The following ACLY variants were observed in gnomAD, a reference collection of about 807,000 sequenced individuals.
ACLY encodes the protein ATP-citrate synthase.
In ACLY, 41 loss-of-function variants were observed where a neutral mutation model predicts 133.0. The ratio of observed to expected loss-of-function variants is 0.31; its 90% CI spans 0.24 to 0.40. The LOEUF (loss-of-function observed/expected upper bound fraction) is 0.40. ACLY is among the 10% of genes least tolerant of loss of function. The pLI, the probability that ACLY is intolerant of heterozygous loss-of-function variation, is 1.00. For synonymous variants in ACLY, 495 were observed against 549.3 expected (o/e 0.90, Z 1.38); for missense variants, 1,046 against 1,453.8 (o/e 0.72, Z 4.56).
upstream of ACLY, chr17:41,919,062 G>A: frequency 1.6e-6 from 2 of 1,254,630 alleles, no homozygotes; most frequent in Non-Finnish European, 2.1e-6. Context: ...GCGTTCCCTA[G>A]CCTGAGCGCC....
chr17:41,918,831 T>G lies in ACLY; in HGVS notation c.-24+49A>C, dbSNP rs1555634927. 3.9e-6 allele frequency: 5 copies of G among 1,282,928 alleles called. No homozygotes were observed. The Admixed American group carries it at 7.0e-5, about 18-fold the overall frequency. 79.5% of individuals were successfully genotyped at this position (1,282,928 alleles called of 1,614,324 possible). ...GGGTTGGGGGACGGAGGCAGGAAGC[T>G]CCTAGGGCGAGCGGGCTCCAGCCAG... On this transcript the variant is annotated intron_variant, in intron 1 of 28. Coordinates refer to ENST00000352035, the MANE Select transcript of ACLY (RefSeq NM_001096.3).
chr17:41,908,037 G>A (rs1408415288), intron 6 of ACLY, among the ~76,000 whole-genome samples: 1 of 152,112 alleles, frequency 6.6e-6, no homozygotes, highest in Admixed American at 6.5e-5. Context: ...AGGGTGCACT[G>A]GACTCCCAAT....
chr17:41,918,187 C>T (rs1382301720), intron 1 of ACLY, among the ~76,000 whole-genome samples: 1 of 152,308 alleles, frequency 6.6e-6, no homozygotes, highest in African/African-American at 2.4e-5. Flanking sequence ...GGCGTCAGCT[C>T]AAGGGTGGGG....
At chr17:41,922,767 C>A (rs1408206535), upstream of ACLY, among the ~76,000 whole-genome samples, 1 of 152,162 alleles carries the variant, frequency 6.6e-6, no homozygotes, top group African/African-American at 2.4e-5. Context: ...TTAGGTGTTG[C>A]TAGGCCTAAG....
intron 1 of ACLY, among the ~76,000 whole-genome samples, chr17:41,928,922 CAGG>C (rs2050276595): frequency 6.6e-6 from 1 of 150,600 alleles, no homozygotes; most frequent in South Asian, 2.1e-4. Context: ...CTCTTCCTTG[CAGG>C]AGGTTTTTTT....
At chr17:41,874,383 C>T (rs947756764) in intron 22 of ACLY, among the ~76,000 whole-genome samples, 61 of 151,956 alleles carry the variant, frequency 4.0e-4, no homozygotes, top group Non-Finnish European at 5.7e-4. Flanking sequence ...GCGATCTGCC[C>T]AGCTATGCCT....
chr17:41,904,079 T>C (rs2049620522), intron 10 of ACLY, among the ~76,000 whole-genome samples: 1 of 149,358 alleles, frequency 6.7e-6, no homozygotes, highest in Non-Finnish European at 1.5e-5. Context: ...ATCGTGCCAT[T>C]GCACTCCAGC....
chr17:41,909,907 C>A (rs1286429870), intron 4 of ACLY, among the ~76,000 whole-genome samples: 1 of 152,210 alleles, frequency 6.6e-6, no homozygotes, highest in African/African-American at 2.4e-5. Context: ...GCCTCTACCC[C>A]ACTGGCTGGT....
chr17:41,873,706 A>G, intron 23 of ACLY, 105 bp downstream of exon 23: 1 of 1,304,008 alleles, frequency 7.7e-7, no homozygotes, highest in Non-Finnish European at 1.0e-6. Context: ...CCAAAGATTG[A>G]TCTTGGACAC....
chr17:41,919,375 T>C (rs1555635143), upstream of ACLY, among the ~76,000 whole-genome samples: 3 of 152,222 alleles, frequency 2.0e-5, no homozygotes, highest in Non-Finnish European at 4.4e-5. Flanking sequence ...CCCTTGCTCC[T>C]TCCCTTGGGA....
chr17:41,886,364 A>G (rs2049047898), intron 17 of ACLY, 56 bp from the exon 18 acceptor site: 15 of 1,513,220 alleles, frequency 9.9e-6, no homozygotes, highest in Non-Finnish European at 1.3e-5. Flanking sequence ...TTCACCACAA[A>G]GAATCACAAA....
In ACLY at chr17:41,901,937, C is replaced by CG. The variant is rs1366283781; in HGVS notation, c.1066-125dup. On this transcript the variant is annotated intron_variant, in intron 10 of 28. Coordinates refer to ENST00000352035, the MANE Select transcript of ACLY (RefSeq NM_001096.3). ...CTGCTCCTCAGGAAGCACAGGACTA[C>CG]GCATAAGCAGCCACGGCCTGGGATA... The CG allele has an allele frequency of 4.0e-6, 3 of 741,654 alleles. No individual in the cohort carries two copies. The African/African-American group carries it at 5.4e-5, about 13-fold the overall frequency. The allele number at this position is 741,654 out of a possible 1,614,324, so 45.9% of individuals were successfully genotyped here.
chr17:41,901,659 C>G, intron 11 of ACLY, 37 bp downstream of exon 11: 1 of 1,573,704 alleles, frequency 6.4e-7, no homozygotes, highest in Non-Finnish European at 8.7e-7. Flanking sequence ...GCCACCCACA[C>G]TCAGGGTGAG....
chr17:41,923,886 C>G (rs2050210857), upstream of ACLY, among the ~76,000 whole-genome samples: 2 of 152,124 alleles, frequency 1.3e-5, no homozygotes, highest in African/African-American at 4.8e-5. Context: ...TCTGGGCTCA[C>G]TTCAACCTCC....
At chr17:41,880,639 T>C (rs1186131294) in intron 20 of ACLY, among the ~76,000 whole-genome samples, 2 of 151,760 alleles carry the variant, frequency 1.3e-5, no homozygotes, top group Admixed American at 6.6e-5. Context: ...CCGAGATGGG[T>C]GGATCATGAG....
At chr17:41,868,338 T>A (rs1555624270) in intron 28 of ACLY, among the ~76,000 whole-genome samples, 1 of 147,634 alleles carries the variant, frequency 6.8e-6, no homozygotes, top group African/African-American at 2.5e-5. Flanking sequence ...CTTGGGAGGC[T>A]GAGGCAGGAG....
chr17:41,923,088 T>C (rs2050201535), upstream of ACLY, among the ~76,000 whole-genome samples: 1 of 152,200 alleles, frequency 6.6e-6, no homozygotes, highest in Non-Finnish European at 1.5e-5. Context: ...TCCCAACACT[T>C]TGGGAGGCCA....
Position 41,889,524 on chromosome 17 carries a change from C to CAAAAAAAAAAAAAAAAAAAAAAAAA in ACLY, c.1771-1846_1771-1822dup, listed in dbSNP as rs533387140. Among the ~76,000 whole-genome samples, 3 of 31,602 alleles carry CAAAAAAAAAAAAAAAAAAAAAAAAA rather than the reference C, an allele frequency of 9.5e-5. 1 individual carries two copies. The highest frequency in any genetic ancestry group is 5.1e-4 in the African/African-American group (3 of 5,840). The allele number at this position is 31,602 out of a possible 152,430, so 20.7% of individuals were successfully genotyped here. A position where few individuals can be genotyped will look rare whatever the true frequency, so the allele number is the denominator to read the frequency against. On this transcript the variant is annotated intron_variant, in intron 16 of 28. Transcript: ENST00000352035. ...GGTGATGGAGAAAGGCTCCATTTCA[C>CAAAAAAAAAAAAAAAAAAAAAAAAA]AAAAAAAAAAAAAAAAAAAAAAAAA...
chr17:41,898,881 G>A, intron 11 of ACLY, 96 bp from the exon 12 acceptor site: 1 of 1,263,438 alleles, frequency 7.9e-7, no homozygotes, highest in Non-Finnish European at 1.1e-6. Context: ...GCCATGATCA[G>A]TGTTTGGCGC....
Sources: allele counts gnomAD v4.1 joint callset (sites outside exome capture counted in the v4.1 genomes callset), GRCh38; gene constraint gnomAD v4.1.1; transcripts MANE v1.5; gene names NCBI Gene and HGNC (gene_info 2026-07-23, HGNC 2026-07-21).